Variants in SHCBP1 observed in about 807,000 individuals in gnomAD.
SHCBP1 encodes SHC binding and spindle associated 1.
Under a neutral mutation model 75.1 loss-of-function variants are expected in SHCBP1, and 60 were observed. That is an observed-to-expected ratio of 0.80 (90% CI 0.65 to 0.99). The LOEUF is 0.99. Ranked by LOEUF, SHCBP1 falls within the 50% of genes least tolerant of loss-of-function variation. SHCBP1 has a pLI of 0.00. For synonymous variants in SHCBP1, 290 were observed against 293.2 expected, an observed-to-expected ratio of 0.99 and a Z score of 0.11; for missense variants, 709 against 809.4, an observed-to-expected ratio of 0.88 and a Z score of 1.50.
At chr16:46,607,443 T>A (rs1232146889) in intron 5 of SHCBP1, among the ~76,000 whole-genome samples, 1 of 152,170 alleles carries the variant, frequency 6.6e-6, no homozygotes, top group Non-Finnish European at 1.5e-5. Context: ...TTTTATTTTA[T>A]TATTATTTAC....
rs750913417 is a variant in SHCBP1 at position 46,603,620 on chromosome 16, C to T, written c.1132G>A (p.Glu378Lys). The change falls in exon 8 of 13, where the codon GAA becomes AAA. Residue 378 changes from glutamate (E) to lysine (K), a missense_variant. By Grantham distance (56) the Glu-to-Lys change is moderately conservative. Transcript: ENST00000303383. ...GGACAAACAATAACAGTGTCACCTT[C>T]GAAGCAGGCATTTATAGCAGACAAT... Reference protein sequence around the residue: ...DPLSAINACFEGDTVIVCPGH... With the variant: ...DPLSAINACFKGDTVIVCPGH... 13 of 1,613,910 alleles carry T rather than the reference C, an allele frequency of 8.1e-6. No homozygotes were observed. Among genetic ancestry groups the T allele is most frequent in the South Asian group, 6.6e-5 (6 of 91,076 alleles).
chr16:46,582,964 G>C (rs1964895995), intron 12 of SHCBP1, among the ~76,000 whole-genome samples: 1 of 152,178 alleles, frequency 6.6e-6, no homozygotes, highest in Non-Finnish European at 1.5e-5. Context: ...ATCATAGCTT[G>C]AAGTTCACAG....
intron 12 of SHCBP1, among the ~76,000 whole-genome samples, chr16:46,583,070 C>T (rs1438192970): frequency 1.3e-5 from 2 of 152,172 alleles, no homozygotes; most frequent in East Asian, 1.9e-4. Flanking sequence ...ACTCCACTAT[C>T]CCCTCCAGGA....
At chr16:46,607,672 GAA>G (rs1303232215) in intron 5 of SHCBP1, among the ~76,000 whole-genome samples, 1 of 152,110 alleles carries the variant, frequency 6.6e-6, no homozygotes, top group African/African-American at 2.4e-5. Context: ...CATTGCCTAT[GAA>G]GTTACTGCTT....
In SHCBP1 at chr16:46,608,347, CTCT is replaced by C. The variant is rs1479203792; in HGVS notation, c.636_638del (p.Glu214del). 1 of 1,613,720 alleles carries C rather than the reference CTCT, an allele frequency of 6.2e-7. No individual in the cohort carries two copies. The highest frequency in any genetic ancestry group is 8.5e-7 in the Non-Finnish European group (1 of 1,179,884). Reference sequence around the variant, plus strand: ...TGACAAAATAATCGTATTCATCCTCCTCTTCTTCATCCCAACTCCTCCAAATGT... The same window carrying C: ...TGACAAAATAATCGTATTCATCCTCCTCTTCATCCCAACTCCTCCAAATGT... On this transcript the variant is annotated inframe_deletion, in exon 5 of 13. Transcript: ENST00000303383.
intron 4 of SHCBP1, among the ~76,000 whole-genome samples, chr16:46,610,200 C>A (rs1965387422): frequency 6.6e-6 from 1 of 152,152 alleles, no homozygotes; most frequent in African/African-American, 2.4e-5. Flanking sequence ...CCACCCACTT[C>A]AGTCTCCCAA....
At chr16:46,594,690 A>C (rs886465544) in intron 10 of SHCBP1, among the ~76,000 whole-genome samples, 1 of 152,202 alleles carries the variant, frequency 6.6e-6, no homozygotes, top group African/African-American at 2.4e-5. Context: ...TTCTTTAAAA[A>C]AAAAAAACCT....
intron 10 of SHCBP1, among the ~76,000 whole-genome samples, chr16:46,590,726 A>G (rs1164439697): frequency 6.6e-6 from 1 of 152,256 alleles, no homozygotes; most frequent in East Asian, 1.9e-4. Context: ...GTGGGAGTGT[A>G]TATTAGTTCA....
At chr16:46,620,164 G>A (rs964907626) in intron 1 of SHCBP1, among the ~76,000 whole-genome samples, 28 of 152,178 alleles carry the variant, frequency 1.8e-4, no homozygotes, top group African/African-American at 6.5e-4. Flanking sequence ...TACCTTTTGT[G>A]TGTGTGTGGT....
chr16:46,589,554 T>C (rs1477904176), intron 10 of SHCBP1, among the ~76,000 whole-genome samples: 1 of 152,164 alleles, frequency 6.6e-6, no homozygotes, highest in African/African-American at 2.4e-5. Context: ...AGTCAAATCA[T>C]AAGTGAACTC....
rs746080661 is a variant in SHCBP1 at position 46,617,741 on chromosome 16, T to G, written c.280A>C (p.Lys94Gln). The change falls in exon 3 of 13, where the codon AAG (lysine) becomes CAG (glutamine). Residue 94 changes from lysine to glutamine, a missense_variant. Transcript: ENST00000303383. ...GTGAATTCCTGTACCTCAGAGGCCT[T>G]GCAGTCAGCTACAAACAAATTAAAC... ...AYQDYILADCKASEVQEFTAE... is the reference protein window; with the variant it reads ...AYQDYILADCQASEVQEFTAE... The G allele has an allele frequency of 5.6e-6, 9 of 1,611,546 alleles. No homozygotes were observed. The Admixed American group carries it at 1.3e-4, about 24-fold the overall frequency.
chr16:46,614,242 C>T (rs1237093220), intron 4 of SHCBP1, among the ~76,000 whole-genome samples: 3 of 152,174 alleles, frequency 2.0e-5, no homozygotes, highest in Non-Finnish European at 4.4e-5. Flanking sequence ...GCCTGAAACA[C>T]TCTGCTTCTT....
At chr16:46,598,065 A>G (rs1402264702) in intron 9 of SHCBP1, among the ~76,000 whole-genome samples, 1 of 152,118 alleles carries the variant, frequency 6.6e-6, no homozygotes, top group Non-Finnish European at 1.5e-5. Context: ...TTTCCACCAC[A>G]TCTGCAGTTA....
intron 12 of SHCBP1, among the ~76,000 whole-genome samples, chr16:46,582,405 T>C (rs1268827218): frequency 6.6e-6 from 1 of 152,234 alleles, no homozygotes; most frequent in Non-Finnish European, 1.5e-5. Context: ...TTCATGCCTA[T>C]TAAATGGCAG....
intron 10 of SHCBP1, among the ~76,000 whole-genome samples, chr16:46,592,353 T>G (rs914118358): frequency 6.6e-6 from 1 of 152,158 alleles, no homozygotes; most frequent in African/African-American, 2.4e-5. Context: ...AACTTAGAAG[T>G]AGTAGTCCAA....
Position 46,599,688 on chromosome 16 carries a change from A to AAAAC in SHCBP1, c.1345+142_1345+143insGTTT, listed in dbSNP as rs1555519118. The AAAAC allele has an allele frequency of 2.1e-4, 16 of 74,616 alleles. 1 individual carries two copies. Among genetic ancestry groups the AAAAC allele is most frequent in the South Asian group, 4.2e-4 (1 of 2,380 alleles). The allele number at this position is 74,616 out of a possible 1,614,324, so 4.6% of individuals were successfully genotyped here. Reference sequence around the variant, plus strand: ...AATTTGTAAAAAAAAAAAAAAAAAAAAAAACTCAGCATCGTGAAGTGCAAT... The same window carrying AAAAC: ...AATTTGTAAAAAAAAAAAAAAAAAAAAAACAAAACTCAGCATCGTGAAGTGCAAT... On this transcript the variant is annotated intron_variant, in intron 9 of 12. Transcript: ENST00000303383.
intron 3 of SHCBP1, 80 bp downstream of exon 3, chr16:46,617,554 A>T: frequency 9.5e-7 from 1 of 1,057,680 alleles, no homozygotes; most frequent in Non-Finnish European, 1.4e-6. Context: ...TTTAATTAAA[A>T]ATAAGCACTT....
rs191816575 is a variant in SHCBP1 at position 46,604,528 on chromosome 16, C to G, written c.690-67G>C. The G allele has an allele frequency of 1.4e-5, 15 of 1,092,558 alleles. No individual in the cohort carries two copies. The Admixed American group carries it at 1.9e-4, about 14-fold the overall frequency. 67.7% of individuals were successfully genotyped at this position (1,092,558 alleles called of 1,614,324 possible). On this transcript the variant is annotated intron_variant, in intron 5 of 12. Coordinates refer to ENST00000303383, the MANE Select transcript of SHCBP1 (RefSeq NM_024745.5). ...CACATTTTCCTATCATTAAAACAGCCCACTTAGCCCTCAAAGACCCAGTAA... is the reference window on the plus strand; with the variant it reads ...CACATTTTCCTATCATTAAAACAGCGCACTTAGCCCTCAAAGACCCAGTAA...
intron 4 of SHCBP1, 56 bp from the exon 5 acceptor site, chr16:46,608,445 T>G: frequency 8.4e-7 from 1 of 1,183,738 alleles, no homozygotes; most frequent in Non-Finnish European, 1.3e-6. Context: ...ACATTAGGAT[T>G]TTGGAGGGGT....
Sources: allele counts gnomAD v4.1 joint callset (sites outside exome capture counted in the v4.1 genomes callset), GRCh38; gene constraint gnomAD v4.1.1; transcripts MANE v1.5; gene names NCBI Gene and HGNC (gene_info 2026-07-23, HGNC 2026-07-21).